Variants in RBFOX1 observed in about 807,000 individuals in gnomAD.
RBFOX1 encodes RNA binding protein fox-1 homolog 1.
In RBFOX1, 8 loss-of-function variants were observed where a neutral mutation model predicts 57.7. That is an observed-to-expected ratio of 0.14 (90% confidence interval 0.08 to 0.25). The LOEUF is 0.25. RBFOX1 is among the 10% of genes least tolerant of loss of function. The pLI is 1.00. For missense variants in RBFOX1, 611 were observed against 548.5 expected (o/e 1.11, Z -1.14); for synonymous variants, 326 against 222.4 (o/e 1.47, Z -4.15).
intron 4 of RBFOX1, among the ~76,000 whole-genome samples, chr16:7,347,280 G>T (rs1339325825): frequency 6.6e-6 from 1 of 152,132 alleles, no homozygotes; most frequent in East Asian, 1.9e-4. Context: ...AGGCTTATTG[G>T]GCTTACAGTT....
In RBFOX1 at chr16:6,119,504, T is replaced by C. The variant is rs183650615; in HGVS notation, c.-127+99512T>C. 2.0e-5 allele frequency among the ~76,000 whole-genome samples: 3 copies of C among 152,344 alleles called. No homozygotes were observed. The East Asian group carries it at 5.8e-4, about 29-fold the overall frequency. ...ACTTAAAAGTACACTAATTTATTAC[T>C]TTGATGGCCCAATGGTGATTTTCAA... On this transcript the variant is annotated intron_variant, in intron 1 of 15. Coordinates refer to ENST00000550418, the MANE Select transcript of RBFOX1 (RefSeq NM_018723.4).
intron 3 of RBFOX1, among the ~76,000 whole-genome samples, chr16:6,865,472 A>G (rs763136476): frequency 2.6e-5 from 4 of 152,160 alleles, no homozygotes; most frequent in African/African-American, 4.8e-5. Context: ...CCACACACCC[A>G]GGCACCTTCT....
intron 2 of RBFOX1, among the ~76,000 whole-genome samples, chr16:6,472,921 G>A (rs770178095): frequency 9.9e-5 from 15 of 151,982 alleles, no homozygotes; most frequent in East Asian, 1.9e-4. Context: ...CACTGTGCCC[G>A]GCCCAGTTTC....
rs2059599305 is a variant in RBFOX1, at chr16:5,955,118, T to TTAAAAAAAAAA, written c.351+87783_351+87784insTAAAAAAAAAA. Among the ~76,000 whole-genome samples the TTAAAAAAAAAA allele has an allele frequency of 7.7e-4, 11 of 14,286 alleles. 1 individual carries two copies. The highest frequency in any genetic ancestry group is 3.9e-3 in the African/African-American group (11 of 2,794). 9.4% of individuals were successfully genotyped at this position (14,286 alleles called of 152,430 possible). On this transcript the variant is annotated intron_variant, in intron 4 of 19. Transcript: ENST00000641259. ...CAACAGGGTGAAACTCCATCTCTACTAAAAAAAAAAAAAAAAAAAAAAAAA... is the reference window on the plus strand; with the variant it reads ...CAACAGGGTGAAACTCCATCTCTACTTAAAAAAAAAAAAAAAAAAAAAAAAAAAAAAAAAAA...
intron 1 of RBFOX1, among the ~76,000 whole-genome samples, chr16:6,228,084 G>A (rs1381972742): frequency 6.6e-6 from 1 of 152,168 alleles, no homozygotes; most frequent in Admixed American, 6.5e-5. Context: ...GCTGAGGTGG[G>A]TGGATCACTT....
intron 3 of RBFOX1, among the ~76,000 whole-genome samples, chr16:5,778,542 G>T (rs1047562729): frequency 6.6e-6 from 1 of 152,174 alleles, no homozygotes; most frequent in African/African-American, 2.4e-5. Context: ...CACAGTGCCT[G>T]CTGGTTCAAC....
chr16:5,982,102 G>A (rs557210582), intron 4 of RBFOX1, among the ~76,000 whole-genome samples: 3 of 152,166 alleles, frequency 2.0e-5, no homozygotes, highest in Non-Finnish European at 4.4e-5. Context: ...CACAGGGCCA[G>A]AAGCCTTATA....
chr16:6,154,958 G>C (rs1161117304), intron 1 of RBFOX1, among the ~76,000 whole-genome samples: 1 of 152,092 alleles, frequency 6.6e-6, no homozygotes, highest in Admixed American at 6.6e-5. Flanking sequence ...TATTCAAAAT[G>C]GTTTTGTTTT....
intron 4 of RBFOX1, among the ~76,000 whole-genome samples, chr16:5,987,782 C>T (rs1182486874): frequency 6.6e-6 from 1 of 152,106 alleles, no homozygotes; most frequent in East Asian, 1.9e-4. Context: ...TATGAATGTC[C>T]AATTGCAACA....
At chr16:6,321,353 C>A (rs748602239) in intron 2 of RBFOX1, among the ~76,000 whole-genome samples, 2 of 152,118 alleles carry the variant, frequency 1.3e-5, no homozygotes, top group Non-Finnish European at 2.9e-5. Context: ...TCAGAAGTGT[C>A]CGTCCTTGTA....
At chr16:6,699,772 C>A (rs187936707) in intron 3 of RBFOX1, among the ~76,000 whole-genome samples, 3 of 152,030 alleles carry the variant, frequency 2.0e-5, no homozygotes, top group Non-Finnish European at 4.4e-5. Context: ...GATAATGAGG[C>A]ATAAGGACAT....
At chr16:6,865,915 A>G (rs577749508) in intron 3 of RBFOX1, among the ~76,000 whole-genome samples, 1 of 152,308 alleles carries the variant, frequency 6.6e-6, no homozygotes, top group East Asian at 1.9e-4. Context: ...GAAACATTAC[A>G]TGAAAAAGCC....
At chr16:6,806,836 A>ATATATAT (rs754342591) in intron 3 of RBFOX1, among the ~76,000 whole-genome samples, 1,489 of 91,798 alleles carry the variant, frequency 0.016, 27 homozygotes, top group Non-Finnish European at 0.024. Context: ...ATATATATAT[A>ATATATAT]TTTTTTTTTT....
intron 2 of RBFOX1, among the ~76,000 whole-genome samples, chr16:5,540,662 A>G (rs1424387993): frequency 6.6e-6 from 1 of 152,142 alleles, no homozygotes; most frequent in East Asian, 1.9e-4. Flanking sequence ...GTCTGATCTC[A>G]GATTTATTGA....
chr16:7,172,372 A>T (rs1023041776), intron 4 of RBFOX1, among the ~76,000 whole-genome samples: 10 of 152,180 alleles, frequency 6.6e-5, no homozygotes, highest in African/African-American at 2.4e-4. Flanking sequence ...ATAAAAGTAA[A>T]TCTTCCCACT....
rs189782184 is a variant in RBFOX1, at chr16:7,712,196, C to T, written c.*1451C>T. On this transcript the variant is annotated 3_prime_UTR_variant, in exon 16 of 16. Coordinates refer to ENST00000550418, the MANE Select transcript of RBFOX1 (RefSeq NM_018723.4). ...ACAAGTTAACTTAAGTTGGGGTATC[C>T]GTCACGGGTCTTCCTGTTTTGTATT... 5 of 152,654 alleles carry T rather than the reference C, an allele frequency of 3.3e-5. No individual in the cohort carries two copies. The highest frequency in any genetic ancestry group is 1.9e-4 in the East Asian group (1 of 5,162). The allele number at this position is 152,654 out of a possible 1,614,324, so 9.5% of individuals were successfully genotyped here. A position where few individuals can be genotyped will look rare whatever the true frequency, so the allele number is the denominator to read the frequency against.
intron 2 of RBFOX1, among the ~76,000 whole-genome samples, chr16:6,492,455 G>A (rs973998230): frequency 1.3e-5 from 2 of 152,152 alleles, no homozygotes; most frequent in Non-Finnish European, 2.9e-5. Flanking sequence ...GTTAGTCCCA[G>A]CTATTCAGGA....
intron 1 of RBFOX1, among the ~76,000 whole-genome samples, chr16:5,330,809 G>A (rs2064733823): frequency 6.6e-6 from 1 of 151,848 alleles, no homozygotes; most frequent in African/African-American, 2.4e-5. Context: ...ATGTGGAGAG[G>A]AAAAGTCCCC....
intron 4 of RBFOX1, among the ~76,000 whole-genome samples, chr16:7,268,002 C>G (rs1018289931): frequency 6.6e-6 from 1 of 152,190 alleles, no homozygotes; most frequent in Admixed American, 6.5e-5. Flanking sequence ...TCAGAGTGTA[C>G]TCACACAAAC....
Sources: allele counts gnomAD v4.1 joint callset (sites outside exome capture counted in the v4.1 genomes callset), GRCh38; gene constraint gnomAD v4.1.1; transcripts MANE v1.5; gene names NCBI Gene and HGNC (gene_info 2026-07-23, HGNC 2026-07-21).